Variants in DPY19L2 observed in about 807,000 individuals in gnomAD.
DPY19L2 encodes probable C-mannosyltransferase DPY19L2.
In DPY19L2, 34 loss-of-function variants were observed where a neutral mutation model predicts 97.9. That is an observed-to-expected ratio of 0.35 (90% CI 0.26 to 0.46). The LOEUF (loss-of-function observed/expected upper bound fraction) is 0.46. Among genes scored for constraint, DPY19L2 ranks in the 20% least tolerant of loss-of-function variants. The probability of loss-of-function intolerance (pLI) is 1.00; values close to 1 mark genes in which losing one functional copy is unlikely to be tolerated. For missense variants in DPY19L2, 623 were observed against 911.4 expected (o/e 0.68, Z 4.07); for synonymous variants, 230 against 307.9 (o/e 0.75, Z 2.65).
intron 16 of DPY19L2, among the ~76,000 whole-genome samples, chr12:63,591,993 AGGG>A (rs1883060986): frequency 5.7e-5 from 1 of 17,416 alleles, no homozygotes; most frequent in African/African-American, 3.9e-4. Flanking sequence ...AGGGAAGGGA[AGGG>A]AGGGGAAGGG....
At chr12:63,651,294 GA>G (rs1376926004) in intron 4 of DPY19L2, among the ~76,000 whole-genome samples, 3 of 152,062 alleles carry the variant, frequency 2.0e-5, no homozygotes, top group African/African-American at 7.2e-5. Context: ...CTAAAACAAT[GA>G]AAACCCTAGA....
At chr12:63,613,499 A>G (rs1320867762) in intron 11 of DPY19L2, among the ~76,000 whole-genome samples, 2 of 152,118 alleles carry the variant, frequency 1.3e-5, no homozygotes, top group African/African-American at 2.4e-5. Flanking sequence ...CCTATAGCTA[A>G]CACAGTTACT....
chr12:63,628,888 C>T (rs1401386919), intron 6 of DPY19L2, among the ~76,000 whole-genome samples: 1 of 151,274 alleles, frequency 6.6e-6, no homozygotes, highest in African/African-American at 2.4e-5. Context: ...AATGATCAGG[C>T]AGCAACATTT....
At chr12:63,632,079 C>A (rs1890791027) in intron 6 of DPY19L2, among the ~76,000 whole-genome samples, 1 of 152,058 alleles carries the variant, frequency 6.6e-6, no homozygotes, top group Non-Finnish European at 1.5e-5. Flanking sequence ...ATAATAAGAG[C>A]TATCTATGAC....
chr12:63,572,081 G>T (rs1878970214), intron 19 of DPY19L2, among the ~76,000 whole-genome samples: 1 of 152,168 alleles, frequency 6.6e-6, no homozygotes, highest in South Asian at 2.1e-4. Flanking sequence ...TTAGGTACCA[G>T]CTTGGCCGCA....
chr12:63,647,135 T>G (rs949679967), intron 5 of DPY19L2, 110 bp downstream of exon 5: 7 of 992,648 alleles, frequency 7.1e-6, no homozygotes, highest in Non-Finnish European at 9.5e-6. Flanking sequence ...TCAGTTCTAA[T>G]GTTTTTTAAA....
In DPY19L2 at chr12:63,668,457, C is replaced by T; in HGVS notation, c.-64G>A. 6.9e-7 allele frequency: 1 copy of T among 1,456,006 alleles called. No homozygotes were observed. Among genetic ancestry groups the T allele is most frequent in the Non-Finnish European group, 9.1e-7 (1 of 1,098,246 alleles). 90.2% of individuals were successfully genotyped at this position (1,456,006 alleles called of 1,614,324 possible). On this transcript the variant is annotated 5_prime_UTR_variant, in exon 1 of 22. Transcript: ENST00000324472. ...CAGCCCAGCCGAGTCAGGCGAGGTC[C>T]AGAGAGACCTGACTCGCCTGGCAGC... is the stretch of plus-strand genomic sequence containing the variant.
At chr12:63,659,335 A>G (rs1390469830) in intron 4 of DPY19L2, among the ~76,000 whole-genome samples, 8 of 152,144 alleles carry the variant, frequency 5.3e-5, no homozygotes, top group Admixed American at 1.3e-4. Flanking sequence ...AATACAAAAC[A>G]TTGCTGAGAC....
At chr12:63,643,500 T>C (rs1892984233) in intron 6 of DPY19L2, among the ~76,000 whole-genome samples, 1 of 152,182 alleles carries the variant, frequency 6.6e-6, no homozygotes, top group Non-Finnish European at 1.5e-5. Context: ...AATAACATTG[T>C]AAAGAAACCT....
intron 11 of DPY19L2, among the ~76,000 whole-genome samples, chr12:63,611,460 C>G (rs1310065577): frequency 6.6e-6 from 1 of 151,778 alleles, no homozygotes; most frequent in Non-Finnish European, 1.5e-5. Context: ...GAAGAAGAAA[C>G]AATTAATTGA....
At chr12:63,588,067 A>G (rs1729457183) in intron 16 of DPY19L2, among the ~76,000 whole-genome samples, 1 of 152,198 alleles carries the variant, frequency 6.6e-6, no homozygotes, top group Admixed American at 6.5e-5. Flanking sequence ...TTGATAATAA[A>G]TGATGTGAAC....
intron 6 of DPY19L2, among the ~76,000 whole-genome samples, chr12:63,635,849 A>G (rs1256430730): frequency 1.3e-5 from 2 of 152,152 alleles, no homozygotes; most frequent in Non-Finnish European, 2.9e-5. Flanking sequence ...ATTGGAAAAC[A>G]CTCTTGAAGA....
At chr12:63,577,206 T>C (rs1435454167) in intron 19 of DPY19L2, among the ~76,000 whole-genome samples, 1 of 152,048 alleles carries the variant, frequency 6.6e-6, no homozygotes. Context: ...CTTCAATAAA[T>C]GGTGTTGGGA....
rs1555189197 is a variant in DPY19L2, at chr12:63,594,464, A to AGAGTGTGTGTGTGTGTGTGTGTGT, written c.1534-332_1534-331insACACACACACACACACACACACTC. Among the ~76,000 whole-genome samples, 1,031 of 124,954 alleles carry AGAGTGTGTGTGTGTGTGTGTGTGT rather than the reference A, an allele frequency of 8.3e-3. 50 individuals are homozygous for AGAGTGTGTGTGTGTGTGTGTGTGT. Among genetic ancestry groups the AGAGTGTGTGTGTGTGTGTGTGTGT allele is most frequent in the Non-Finnish European group, 0.012 (752 of 61,260 alleles). 82.0% of individuals were successfully genotyped at this position (124,954 alleles called of 152,430 possible). A position where few individuals can be genotyped will look rare whatever the true frequency, so the allele number is the denominator to read the frequency against. On this transcript the variant is annotated intron_variant, in intron 15 of 21. Coordinates refer to ENST00000324472, the MANE Select transcript of DPY19L2 (RefSeq NM_173812.5). ...CTGCAGGGATGAGAGAGAGAGAGAT[A>AGAGTGTGTGTGTGTGTGTGTGTGT]GTGTGTGTGTGTGTGTGTGTGTGTG...
At chr12:63,649,192 A>C (rs1033153713) in intron 4 of DPY19L2, among the ~76,000 whole-genome samples, 2 of 152,164 alleles carry the variant, frequency 1.3e-5, no homozygotes, top group African/African-American at 4.8e-5. Context: ...TGTTAAGAGG[A>C]AAATTTACAG....
chr12:63,638,886 G>A (rs922031369), intron 6 of DPY19L2, among the ~76,000 whole-genome samples: 11 of 152,038 alleles, frequency 7.2e-5, no homozygotes, highest in Admixed American at 2.0e-4. Context: ...AAAAGAGCCC[G>A]CATTGCCAAG....
chr12:63,637,509 A>T (rs1320035429), intron 6 of DPY19L2, among the ~76,000 whole-genome samples: 4 of 152,178 alleles, frequency 2.6e-5, no homozygotes, highest in Non-Finnish European at 5.9e-5. Context: ...AATAGACACA[A>T]TAAAAAATGA....
intron 6 of DPY19L2, among the ~76,000 whole-genome samples, chr12:63,630,025 T>G (rs144392349): frequency 0.025 from 3,879 of 152,204 alleles, 96 homozygotes; most frequent in South Asian, 0.062. Flanking sequence ...CTGAGAGATT[T>G]TGTCACCACC....
At chr12:63,568,667 C>A (rs572832586) in intron 21 of DPY19L2, among the ~76,000 whole-genome samples, 7 of 151,832 alleles carry the variant, frequency 4.6e-5, no homozygotes, top group African/African-American at 1.7e-4. Flanking sequence ...AATTAATGTG[C>A]CTGAATTTCC....
Sources: allele counts gnomAD v4.1 joint callset (sites outside exome capture counted in the v4.1 genomes callset), GRCh38; gene constraint gnomAD v4.1.1; transcripts MANE v1.5; gene names NCBI Gene and HGNC (gene_info 2026-07-23, HGNC 2026-07-21).